Variants in NHLRC2 observed in about 807,000 individuals in gnomAD.
The protein encoded by NHLRC2 is NHL repeat containing 2.
In NHLRC2, 33 loss-of-function variants were observed where a neutral mutation model predicts 68.1. The ratio of observed to expected loss-of-function variants is 0.48; its 90% CI spans 0.37 to 0.65. NHLRC2 has a LOEUF of 0.65. Among genes scored for constraint, NHLRC2 ranks in the 30% least tolerant of loss-of-function variants. The pLI, the probability that NHLRC2 is intolerant of heterozygous loss-of-function variation, is 0.00. For synonymous variants in NHLRC2, 311 were observed against 309.6 expected, an observed-to-expected ratio of 1.00 and a Z score of -0.05; for missense variants, 761 against 853.8, an observed-to-expected ratio of 0.89 and a Z score of 1.35.
chr10:113,914,954 C>CAGGCTTGCAGA lies in NHLRC2; in HGVS notation c.*6424_*6434dup. On this transcript the variant is annotated 3_prime_UTR_variant, in exon 11 of 11. Transcript: ENST00000369301. The stretch of plus-strand genomic sequence containing the variant: ...GCTCTGGAGGTTCGCCTGGCTGCCT[C>CAGGCTTGCAGA]AGGCTTGCAGAAGGCTGCCCCAATC... The CAGGCTTGCAGA allele has an allele frequency of 2.2e-6, 1 of 456,166 alleles. No individual in the cohort carries two copies. Among genetic ancestry groups the CAGGCTTGCAGA allele is most frequent in the South Asian group, 1.5e-5 (1 of 64,528 alleles). The allele number at this position is 456,166 out of a possible 1,614,324, so 28.3% of individuals were successfully genotyped here.
intron 2 of NHLRC2, among the ~76,000 whole-genome samples, chr10:113,866,315 A>C (rs996488990): frequency 6.6e-6 from 1 of 152,222 alleles, no homozygotes; most frequent in African/African-American, 2.4e-5. Flanking sequence ...AACTTAGTAC[A>C]TATTTATGTT....
chr10:113,855,094 C>T, intron 1 of NHLRC2, 44 bp downstream of exon 1: 1 of 1,506,730 alleles, frequency 6.6e-7, no homozygotes, highest in East Asian at 2.5e-5. Flanking sequence ...CGGCACCTCC[C>T]CTTCCTCGGG....
At chr10:113,867,847 G>A (rs1171015019) in intron 2 of NHLRC2, among the ~76,000 whole-genome samples, 1 of 151,990 alleles carries the variant, frequency 6.6e-6, no homozygotes, top group Non-Finnish European at 1.5e-5. Flanking sequence ...TAAACTACAC[G>A]TTCTACTATA....
chr10:113,908,455 A>G lies in NHLRC2; in HGVS notation c.2100A>G (p.Ala700=). The change falls in exon 11 of 11, where the codon GCA becomes GCG. Residue 700 remains alanine (A), a synonymous_variant. Coordinates refer to ENST00000369301, the MANE Select transcript of NHLRC2 (RefSeq NM_198514.4). The stretch of plus-strand genomic sequence containing the variant: ...ACAGCAGTGCTTGTATGATGAAGGC[A>G]ATTTTGTTCAGTCAGCCTTTACAAA... The part of the protein sequence containing the change: ...SADSSACMMK[A]ILFSQPLQIT... 5 of 1,613,922 alleles carry G rather than the reference A, an allele frequency of 3.1e-6. No homozygotes were observed. Among genetic ancestry groups the G allele is most frequent in the Non-Finnish European group, 4.2e-6 (5 of 1,179,804 alleles).
chr10:113,879,729 C>G, intron 4 of NHLRC2, 34 bp downstream of exon 4: 5 of 1,320,982 alleles, frequency 3.8e-6, no homozygotes, highest in Non-Finnish European at 5.2e-6. Context: ...TTAATACTTA[C>G]AATCAGAAAA....
chr10:113,873,372 G>A (rs562528807), intron 2 of NHLRC2, among the ~76,000 whole-genome samples: 30 of 152,228 alleles, frequency 2.0e-4, no homozygotes, highest in African/African-American at 7.2e-4. Flanking sequence ...AAACTAAGAT[G>A]TAGAGTTTTG....
chr10:113,912,256 A>T lies in NHLRC2; in HGVS notation c.*3720A>T, dbSNP rs962863239. On this transcript the variant is annotated 3_prime_UTR_variant, in exon 11 of 11. Coordinates refer to ENST00000369301, the MANE Select transcript of NHLRC2 (RefSeq NM_198514.4). ...GCACTTAGTAATTAATGAAACTGGTAATTATTAGCTTAGTTACTGTAATGA... is the reference window on the plus strand; with the variant it reads ...GCACTTAGTAATTAATGAAACTGGTTATTATTAGCTTAGTTACTGTAATGA... 6.6e-6 allele frequency: 1 copy of T among 152,152 alleles called. No individual in the cohort carries two copies. The highest frequency in any genetic ancestry group is 2.4e-5 in the African/African-American group (1 of 41,430). 9.4% of individuals were successfully genotyped at this position (152,152 alleles called of 1,614,324 possible).
chr10:113,903,543 CA>C lies in NHLRC2; in HGVS notation c.1516del (p.Thr506GlnfsTer7). ...CTTTTTTAGATTAAAGTTGTGGATC[CA>C]AAAACAAAAAACTGTACAACATTAG... is the stretch of plus-strand genomic sequence containing the variant. Reference protein sequence around the residue: ...SYNHKIKVVDPKTKNCTTLAG... With the variant: ...SYNHKIKVVDXKTKNCTTLAG... On this transcript the variant is annotated frameshift_variant, in exon 9 of 11. Coordinates refer to ENST00000369301, the MANE Select transcript of NHLRC2 (RefSeq NM_198514.4). LOFTEE classifies it high-confidence loss of function. 1.9e-6 allele frequency: 3 copies of C among 1,599,944 alleles called. No homozygotes were observed. Among genetic ancestry groups the C allele is most frequent in the Non-Finnish European group, 2.6e-6 (3 of 1,174,428 alleles).
rs7895609 is a variant in NHLRC2 at position 113,915,266 on chromosome 10, G to A, written c.*6730G>A. ...TATTTGCAAACATACTTCCCTACCTGTACAAGCAGCCATATACTAAAAAGC... is the reference window on the plus strand; with the variant it reads ...TATTTGCAAACATACTTCCCTACCTATACAAGCAGCCATATACTAAAAAGC... On this transcript the variant is annotated 3_prime_UTR_variant, in exon 11 of 11. Transcript: ENST00000369301. 346,407 of 455,912 alleles carry A rather than the reference G, an allele frequency of 0.76. 132,358 individuals are homozygous for A. The highest frequency in any genetic ancestry group is 0.86 in the Admixed American group (36,645 of 42,556). 28.2% of individuals were successfully genotyped at this position (455,912 alleles called of 1,614,324 possible).
intron 9 of NHLRC2, among the ~76,000 whole-genome samples, chr10:113,904,469 T>C (rs1479856063): frequency 6.6e-6 from 1 of 152,236 alleles, no homozygotes; most frequent in Non-Finnish European, 1.5e-5. Flanking sequence ...ATAAGATGAA[T>C]AACATCTTCT....
At chr10:113,888,526 G>A (rs1251984817) in intron 5 of NHLRC2, among the ~76,000 whole-genome samples, 1 of 152,122 alleles carries the variant, frequency 6.6e-6, no homozygotes, top group Non-Finnish European at 1.5e-5. Context: ...GTAAATGCAT[G>A]TGTTTATGTA....
chr10:113,855,768 G>A (rs1288420890), intron 1 of NHLRC2, among the ~76,000 whole-genome samples: 1 of 152,144 alleles, frequency 6.6e-6, no homozygotes. Context: ...CAAAGTGCTG[G>A]GATTACAGGC....
In NHLRC2 at chr10:113,876,964, T is replaced by C; in HGVS notation, c.775T>C (p.Tyr259His). The change falls in exon 3 of 11, where the codon TAT (tyrosine) becomes CAT (histidine). Residue 259 changes from tyrosine to histidine, a missense_variant. Tyr to His is a moderately conservative substitution (Grantham distance 83). Transcript: ENST00000369301. ...LVVWKNGQIQ[Y>H]SIGGPNPGRK... ...CGTTTGGAAGAATGGACAAATTCAATATAGCATTGGAGGTAAAACTTGCTT... is the reference window on the plus strand; with the variant it reads ...CGTTTGGAAGAATGGACAAATTCAACATAGCATTGGAGGTAAAACTTGCTT... 2.5e-6 allele frequency: 4 copies of C among 1,587,116 alleles called. No individual in the cohort carries two copies. Among genetic ancestry groups the C allele is most frequent in the Non-Finnish European group, 3.4e-6 (4 of 1,168,340 alleles).
At chr10:113,861,028 C>T (rs750337385) in intron 2 of NHLRC2, among the ~76,000 whole-genome samples, 2 of 152,074 alleles carry the variant, frequency 1.3e-5, no homozygotes, top group Admixed American at 6.6e-5. Flanking sequence ...ATAAACTCAT[C>T]GTAAAGTTGA....
At chr10:113,860,741 G>C (rs1267595442) in intron 2 of NHLRC2, among the ~76,000 whole-genome samples, 1 of 152,116 alleles carries the variant, frequency 6.6e-6, no homozygotes, top group East Asian at 1.9e-4. Context: ...ATAGAAGCTA[G>C]AAAGAAATTC....
intron 5 of NHLRC2, among the ~76,000 whole-genome samples, chr10:113,889,696 A>C (rs1171179604): frequency 6.6e-6 from 1 of 152,158 alleles, no homozygotes; most frequent in East Asian, 1.9e-4. Flanking sequence ...TTTTCATCCC[A>C]AAAAGTTATT....
chr10:113,888,078 TA>T (rs1846098022), intron 5 of NHLRC2, among the ~76,000 whole-genome samples: 1 of 152,102 alleles, frequency 6.6e-6, no homozygotes, highest in Non-Finnish European at 1.5e-5. Flanking sequence ...AAAGAAATTT[TA>T]AAATAAAAAG....
At chr10:113,906,033 C>T (rs1209670897) in intron 10 of NHLRC2, among the ~76,000 whole-genome samples, 2 of 152,184 alleles carry the variant, frequency 1.3e-5, no homozygotes, top group Non-Finnish European at 2.9e-5. Context: ...CTGGCCACTC[C>T]ATAGCCTTTT....
At chr10:113,874,727 TTC>T (rs1019990942) in intron 2 of NHLRC2, among the ~76,000 whole-genome samples, 4 of 151,944 alleles carry the variant, frequency 2.6e-5, no homozygotes, top group African/African-American at 9.7e-5. Context: ...GTCCCTGAGG[TTC>T]TGTTTATTTT....
Sources: allele counts gnomAD v4.1 joint callset (sites outside exome capture counted in the v4.1 genomes callset), GRCh38; gene constraint gnomAD v4.1.1; transcripts MANE v1.5; gene names NCBI Gene and HGNC (gene_info 2026-07-23, HGNC 2026-07-21).